Variants in ADARB2 observed in about 807,000 individuals in gnomAD.
The protein encoded by ADARB2 is adenosine deaminase RNA specific B2 (inactive).
Under a neutral mutation model 62.2 loss-of-function variants are expected in ADARB2, and 25 were observed. That is an observed-to-expected ratio of 0.40 (90% confidence interval 0.29 to 0.56). The LOEUF is 0.56. Ranked by LOEUF, ADARB2 falls within the 20% of genes least tolerant of loss-of-function variation. The pLI is 0.43. For missense variants in ADARB2, 1,071 were observed against 1,077.4 expected, an observed-to-expected ratio of 0.99 and a Z score of 0.08; for synonymous variants, 572 against 500.8, an observed-to-expected ratio of 1.14 and a Z score of -1.90.
chr10:1,737,286 G>C lies in ADARB2; in HGVS notation c.-136C>G. 2.6e-6 allele frequency: 2 copies of C among 759,128 alleles called. No homozygotes were observed. Among genetic ancestry groups the C allele is most frequent in the Non-Finnish European group, 4.3e-6 (2 of 469,618 alleles). The allele number at this position is 759,128 out of a possible 1,614,324, so 47.0% of individuals were successfully genotyped here. On this transcript the variant is annotated 5_prime_UTR_variant, in exon 1 of 10. Transcript: ENST00000381312. ...GGAGCGGCTCACTTTTCAGGACTGA[G>C]CAGGAAAGCGCGCTCCGTCTCTCTG...
At chr10:1,232,404 T>A (rs1040660088) in intron 6 of ADARB2, among the ~76,000 whole-genome samples, 1 of 143,358 alleles carries the variant, frequency 7.0e-6, no homozygotes, top group Admixed American at 7.0e-5. Flanking sequence ...TGCATGTGCT[T>A]GTGGCATGTG....
chr10:1,458,405 C>T (rs1033132416), intron 1 of ADARB2, among the ~76,000 whole-genome samples: 1 of 152,086 alleles, frequency 6.6e-6, no homozygotes, highest in Non-Finnish European at 1.5e-5. Context: ...ACAATTGAGG[C>T]TTTTCTATGA....
intron 1 of ADARB2, among the ~76,000 whole-genome samples, chr10:1,609,273 C>G (rs1833537752): frequency 6.6e-6 from 1 of 152,258 alleles, no homozygotes; most frequent in East Asian, 1.9e-4. Flanking sequence ...AGTTCATTTT[C>G]AAGCTATTAA....
chr10:1,672,581 CGCCTTCCTCCCTCCAAGCCCCGCGCCT>C, intron 1 of ADARB2, among the ~76,000 whole-genome samples: 1 of 141,968 alleles, frequency 7.0e-6, no homozygotes, highest in East Asian at 2.1e-4. Context: ...GCACGCGCTT[CGCCTTCCTCCCTCCAAGCCCCGCGCCT>C]GCCTCCCTCC....
intron 1 of ADARB2, among the ~76,000 whole-genome samples, chr10:1,669,524 TCA>T (rs1178897904): frequency 1.2e-5 from 1 of 84,202 alleles, no homozygotes; most frequent in Middle Eastern, 0.01. Flanking sequence ...ACAGACACAC[TCA>T]CAGAGAAAAA....
chr10:1,254,852 G>A (rs1460311998), intron 4 of ADARB2, among the ~76,000 whole-genome samples: 10 of 152,192 alleles, frequency 6.6e-5, no homozygotes, highest in Admixed American at 3.9e-4. Flanking sequence ...CACTCTGTGG[G>A]CATCCACAGA....
chr10:1,205,746 G>A (rs1310330105), intron 7 of ADARB2, among the ~76,000 whole-genome samples: 1 of 152,282 alleles, frequency 6.6e-6, no homozygotes, highest in African/African-American at 2.4e-5. Flanking sequence ...AGCGCCAAGA[G>A]GAGCGGATTC....
chr10:1,210,204 G>A (rs565642155), intron 7 of ADARB2, among the ~76,000 whole-genome samples: 2 of 152,192 alleles, frequency 1.3e-5, no homozygotes, highest in African/African-American at 4.8e-5. Context: ...CAAAGAGAAT[G>A]ACCTATTTGT....
chr10:1,266,524 G>T (rs946038236), intron 4 of ADARB2, among the ~76,000 whole-genome samples: 1 of 151,164 alleles, frequency 6.6e-6, no homozygotes, highest in African/African-American at 2.4e-5. Flanking sequence ...GGGGGGGGCC[G>T]TGCCCACAAA....
At position 1,424,416 on chromosome 10, in the gene ADARB2, G is replaced by A. The variant is rs375172498; in HGVS notation, c.101-45256C>T. ...AGCCGTGGCTCCAAAAACCACGCGA[G>A]ATGGCATGCTCTGAGGCCTCTTCCT... is the stretch of plus-strand genomic sequence containing the variant. On this transcript the variant is annotated intron_variant, in intron 1 of 9. Coordinates refer to ENST00000381312, the MANE Select transcript of ADARB2 (RefSeq NM_018702.4). Among the ~76,000 whole-genome samples, 26 of 152,282 alleles carry A rather than the reference G, an allele frequency of 1.7e-4. No homozygotes were observed. The South Asian group carries it at 5.2e-3, about 30-fold the overall frequency.
At chr10:1,262,287 TATAATAATAATA>T (rs55721350) in intron 4 of ADARB2, among the ~76,000 whole-genome samples, 21 of 135,766 alleles carry the variant, frequency 1.5e-4, no homozygotes, top group East Asian at 1.3e-3. Context: ...AAACTTAAAG[TATAATAATAATA>T]ATAATAATAA....
At chr10:1,706,604 C>A (rs1478975815) in intron 1 of ADARB2, among the ~76,000 whole-genome samples, 3 of 152,216 alleles carry the variant, frequency 2.0e-5, no homozygotes, top group African/African-American at 7.2e-5. Flanking sequence ...CAAAGGAAAA[C>A]AGTCCTACTT....
chr10:1,549,140 G>C (rs369778465), intron 1 of ADARB2, among the ~76,000 whole-genome samples: 1 of 151,554 alleles, frequency 6.6e-6, no homozygotes, highest in South Asian at 2.1e-4. Context: ...GAAACACTAG[G>C]GGGGAATCAC....
intron 1 of ADARB2, among the ~76,000 whole-genome samples, chr10:1,724,629 G>A (rs1314472044): frequency 6.6e-6 from 1 of 152,188 alleles, no homozygotes; most frequent in African/African-American, 2.4e-5. Context: ...CTGCCTCAGT[G>A]AGCCACAGCC....
intron 1 of ADARB2, among the ~76,000 whole-genome samples, chr10:1,618,158 G>T (rs1412387995): frequency 6.6e-6 from 1 of 152,150 alleles, no homozygotes; most frequent in African/African-American, 2.4e-5. Flanking sequence ...TACTCTAACA[G>T]AATGCCTTTA....
At chr10:1,699,134 A>G (rs140504890) in intron 1 of ADARB2, among the ~76,000 whole-genome samples, 1,884 of 152,376 alleles carry the variant, frequency 0.012, 21 homozygotes, top group Non-Finnish European at 0.018. Context: ...CAAATTAAAG[A>G]TGCATCCACT....
At chr10:1,219,164 A>G (rs568886972) in intron 6 of ADARB2, among the ~76,000 whole-genome samples, 86 of 152,238 alleles carry the variant, frequency 5.6e-4, no homozygotes, top group African/African-American at 2.0e-3. Flanking sequence ...CCAGAAGCCA[A>G]GCAGATGCCA....
At chr10:1,414,580 C>T (rs1410550995) in intron 1 of ADARB2, among the ~76,000 whole-genome samples, 2 of 152,256 alleles carry the variant, frequency 1.3e-5, no homozygotes, top group Non-Finnish European at 2.9e-5. Context: ...AGCTGTAAAT[C>T]ACGTGCTTAA....
intron 4 of ADARB2, among the ~76,000 whole-genome samples, chr10:1,254,951 G>T (rs143332985): frequency 5.9e-5 from 9 of 152,352 alleles, no homozygotes; most frequent in South Asian, 4.1e-4. Flanking sequence ...GTCCAACTGT[G>T]TGAACACGCT....
Sources: gnomAD v4.1 joint callset for allele counts (sites outside exome capture counted in the v4.1 genomes callset) on GRCh38, gnomAD v4.1.1 for gene constraint, MANE v1.5 for transcripts, NCBI Gene and HGNC (gene_info 2026-07-23, HGNC 2026-07-21) for gene names.